Variants in KCNH1 observed in about 807,000 individuals in gnomAD.
KCNH1 encodes the protein voltage-gated delayed rectifier potassium channel KCNH1.
A neutral mutation model predicts 69.2 loss-of-function variants in KCNH1; 27 were observed. The ratio of observed to expected loss-of-function variants is 0.39; its 90% CI spans 0.29 to 0.54. The LOEUF (loss-of-function observed/expected upper bound fraction) is 0.54, where lower values mean the gene tolerates loss of function less well. KCNH1 is among the 20% of genes least tolerant of loss of function. The probability of loss-of-function intolerance (pLI) is 0.68; values close to 1 mark genes in which losing one functional copy is unlikely to be tolerated. For missense variants in KCNH1, 798 were observed against 1,261.6 expected (o/e 0.63, Z 5.57); for synonymous variants, 456 against 487.7 (o/e 0.93, Z 0.86).
intron 6 of KCNH1, among the ~76,000 whole-genome samples, chr1:210,994,706 G>C (rs367752836): frequency 6.6e-6 from 1 of 152,152 alleles, no homozygotes; most frequent in South Asian, 2.1e-4. Context: ...CTCAATTTTT[G>C]TAGTCAACGC....
At chr1:210,926,709 G>A (rs985309262) in intron 6 of KCNH1, among the ~76,000 whole-genome samples, 6 of 151,968 alleles carry the variant, frequency 3.9e-5, no homozygotes, top group Non-Finnish European at 5.9e-5. Flanking sequence ...GATCCAAACC[G>A]AGACAAAACC....
At chr1:210,730,560 C>T (rs954485423) in intron 10 of KCNH1, among the ~76,000 whole-genome samples, 17 of 148,388 alleles carry the variant, frequency 1.1e-4, no homozygotes, top group African/African-American at 2.7e-4. Context: ...ACTGATGAAA[C>T]GTGCCAATTA....
intron 10 of KCNH1, among the ~76,000 whole-genome samples, chr1:210,724,821 C>T (rs996738237): frequency 3.9e-5 from 6 of 152,170 alleles, no homozygotes; most frequent in Non-Finnish European, 5.9e-5. Context: ...ATGCGTCCTG[C>T]TGCCAATTCC....
chr1:210,992,636 C>A (rs1385408237), intron 6 of KCNH1, among the ~76,000 whole-genome samples: 3 of 152,056 alleles, frequency 2.0e-5, no homozygotes, highest in African/African-American at 7.2e-5. Flanking sequence ...TTTTAAGTGG[C>A]ATTATTTGCA....
At chr1:210,983,402 A>G (rs1688755887) in intron 6 of KCNH1, among the ~76,000 whole-genome samples, 1 of 152,220 alleles carries the variant, frequency 6.6e-6, no homozygotes. Context: ...TTATGGTTTT[A>G]GGTCTAACAT....
At chr1:210,959,770 G>A (rs952380394) in intron 6 of KCNH1, among the ~76,000 whole-genome samples, 21 of 152,214 alleles carry the variant, frequency 1.4e-4, no homozygotes, top group African/African-American at 5.1e-4. Flanking sequence ...GAAAAGCACA[G>A]TATTTAGGCG....
chr1:210,983,820 T>G (rs1211692106), intron 6 of KCNH1, among the ~76,000 whole-genome samples: 2 of 152,224 alleles, frequency 1.3e-5, no homozygotes, highest in Non-Finnish European at 2.9e-5. Context: ...AAGTCATTGG[T>G]AGCTTGATGG....
At chr1:210,691,074 A>C (rs193045105) in intron 10 of KCNH1, among the ~76,000 whole-genome samples, 1 of 152,278 alleles carries the variant, frequency 6.6e-6, no homozygotes, top group Non-Finnish European at 1.5e-5. Context: ...ATGAGGATTA[A>C]GTTGGATAAT....
At chr1:211,053,879 A>C (rs56087197) in intron 5 of KCNH1, among the ~76,000 whole-genome samples, 1 of 152,016 alleles carries the variant, frequency 6.6e-6, no homozygotes, top group Non-Finnish European at 1.5e-5. Flanking sequence ...TTCTGAAGCA[A>C]TAAAAAACGA....
intron 6 of KCNH1, among the ~76,000 whole-genome samples, chr1:210,937,338 G>A (rs1481036325): frequency 6.6e-6 from 1 of 152,304 alleles, no homozygotes; most frequent in South Asian, 2.1e-4. Flanking sequence ...CTGTGTTTGA[G>A]GAATCACCAC....
intron 7 of KCNH1, among the ~76,000 whole-genome samples, chr1:210,869,399 G>T (rs987737092): frequency 6.6e-6 from 1 of 151,776 alleles, no homozygotes; most frequent in Non-Finnish European, 1.5e-5. Context: ...TACAATAGCT[G>T]CTTAAAAGAC....
At chr1:210,724,926 A>G (rs1682553202) in intron 10 of KCNH1, among the ~76,000 whole-genome samples, 1 of 152,164 alleles carries the variant, frequency 6.6e-6, no homozygotes, top group Non-Finnish European at 1.5e-5. Flanking sequence ...AGAACATCCC[A>G]TCTCCCTGAC....
At chr1:210,795,962 AACACACACACAC>A (rs369505764) in intron 9 of KCNH1, among the ~76,000 whole-genome samples, 67 of 136,094 alleles carry the variant, frequency 4.9e-4, no homozygotes, top group African/African-American at 1.5e-3. Flanking sequence ...CTCTACTAAA[AACACACACACAC>A]ACACACACAC....
intron 10 of KCNH1, among the ~76,000 whole-genome samples, chr1:210,700,247 C>G (rs1331807272): frequency 6.6e-6 from 1 of 152,222 alleles, no homozygotes; most frequent in East Asian, 1.9e-4. Flanking sequence ...AAGCACTGAG[C>G]AGGGAATGAA....
chr1:210,928,348 C>A (rs564474103), intron 6 of KCNH1, among the ~76,000 whole-genome samples: 15 of 152,192 alleles, frequency 9.9e-5, no homozygotes, highest in Non-Finnish European at 1.9e-4. Flanking sequence ...TTAAGAAAAT[C>A]TAAATTACAT....
At position 210,680,293 on chromosome 1, in the gene KCNH1, T is replaced by A. The variant is rs1397374013; in HGVS notation, c.*2988A>T. On this transcript the variant is annotated 3_prime_UTR_variant, in exon 11 of 11. Transcript: ENST00000271751. ...TTCTCTGGGAAATGGAGCTTCAATA[T>A]GAATGACATTCAAAGTAAAGAATTT... The A allele has an allele frequency of 6.6e-6, 1 of 152,158 alleles. No individual in the cohort carries two copies. Among genetic ancestry groups the A allele is most frequent in the African/African-American group, 2.4e-5 (1 of 41,430 alleles). 9.4% of individuals were successfully genotyped at this position (152,158 alleles called of 1,614,324 possible). A position where few individuals can be genotyped will look rare whatever the true frequency, so the allele number is the denominator to read the frequency against.
At chr1:210,966,542 T>C (rs992400031) in intron 6 of KCNH1, among the ~76,000 whole-genome samples, 1 of 151,870 alleles carries the variant, frequency 6.6e-6, no homozygotes, top group South Asian at 2.1e-4. Context: ...GAAAAAGCCA[T>C]CAAAAAGTGG....
chr1:211,021,097 T>A (rs987773529), intron 5 of KCNH1, among the ~76,000 whole-genome samples: 4 of 152,022 alleles, frequency 2.6e-5, no homozygotes, highest in Non-Finnish European at 5.9e-5. Context: ...GAGTGGGGGC[T>A]AAGCTATGGG....
chr1:210,775,036 C>T (rs1114470), intron 10 of KCNH1, among the ~76,000 whole-genome samples: 1 of 152,100 alleles, frequency 6.6e-6, no homozygotes, highest in African/African-American at 2.4e-5. Context: ...AGCAACCTCA[C>T]ATTTCACTCA....
Sources: gnomAD v4.1 joint callset for allele counts (sites outside exome capture counted in the v4.1 genomes callset) on GRCh38, gnomAD v4.1.1 for gene constraint, MANE v1.5 for transcripts, NCBI Gene and HGNC (gene_info 2026-07-23, HGNC 2026-07-21) for gene names.